Variants in CLIP1 observed in about 807,000 individuals in gnomAD.
CLIP1 encodes the protein CAP-Gly domain containing linker protein 1, also known as CAP-Gly domain-containing linker protein 1.
Under a neutral mutation model 161.6 loss-of-function variants are expected in CLIP1, and 66 were observed. That is an observed-to-expected ratio of 0.41 (90% CI 0.33 to 0.50). The LOEUF (loss-of-function observed/expected upper bound fraction) is 0.50. CLIP1 is among the 20% of genes least tolerant of loss of function. The pLI is 0.27. For missense variants in CLIP1, 1,376 were observed against 1,702.0 expected (o/e 0.81, Z 3.37); for synonymous variants, 598 against 626.2 (o/e 0.96, Z 0.67).
At chr12:122,334,570 G>C (rs1952125416) in intron 13 of CLIP1, 78 bp downstream of exon 13, 2 of 950,738 alleles carry the variant, frequency 2.1e-6, no homozygotes, top group Non-Finnish European at 3.3e-6. Flanking sequence ...GTGTAACTCT[G>C]TGCACTCCAC....
At chr12:122,410,942 G>A (rs1055238093) in intron 1 of CLIP1, among the ~76,000 whole-genome samples, 2 of 152,120 alleles carry the variant, frequency 1.3e-5, no homozygotes, top group Non-Finnish European at 2.9e-5. Flanking sequence ...TAATCAAAAA[G>A]ACATAGAAGT....
At chr12:122,301,420 C>T (rs1950673653) in intron 20 of CLIP1, among the ~76,000 whole-genome samples, 1 of 152,146 alleles carries the variant, frequency 6.6e-6, no homozygotes, top group African/African-American at 2.4e-5. Flanking sequence ...CCTATAATCC[C>T]AGTACTTTGG....
rs748302306 is a variant in CLIP1, at chr12:122,360,938, G to A, written c.1005+21C>T. The A allele has an allele frequency of 2.5e-6, 4 of 1,586,932 alleles. No homozygotes were observed. The South Asian group carries it at 3.3e-5, about 13-fold the overall frequency. ...AATCCTGCCTGGGAAGTGGAGGCAG[G>A]TAGTGAGAAAGGGGCCTTACTAGTC... On this transcript the variant is annotated intron_variant, in intron 5 of 25. Transcript: ENST00000620786.
At chr12:122,397,469 G>A (rs574748266) in intron 1 of CLIP1, among the ~76,000 whole-genome samples, 2 of 144,056 alleles carry the variant, frequency 1.4e-5, no homozygotes, top group Non-Finnish European at 3.0e-5. Context: ...GCATAGTGGT[G>A]CACGCCTGTA....
At chr12:122,389,465 G>A (rs1157429279) in intron 1 of CLIP1, among the ~76,000 whole-genome samples, 1 of 151,990 alleles carries the variant, frequency 6.6e-6, no homozygotes, top group Non-Finnish European at 1.5e-5. Context: ...TAAGCCCAAA[G>A]AATTTATAAA....
At chr12:122,342,446 G>A (rs1952549578) in intron 10 of CLIP1, 1 of 152,174 alleles carries the variant, frequency 6.6e-6, no homozygotes, top group Admixed American at 6.5e-5. Flanking sequence ...CGTGGCTATT[G>A]AGCACTTGAG....
intron 12 of CLIP1, among the ~76,000 whole-genome samples, chr12:122,335,640 C>T (rs1952181795): frequency 6.6e-6 from 1 of 152,058 alleles, no homozygotes; most frequent in South Asian, 2.1e-4. Flanking sequence ...AACCCCATCT[C>T]TACTAAAAAT....
At chr12:122,277,688 T>C (rs1030930014) in intron 24 of CLIP1, 1 of 153,636 alleles carries the variant, frequency 6.5e-6, no homozygotes, top group Admixed American at 6.5e-5. Flanking sequence ...TTGTTTATAA[T>C]ACACCCAAAG....
At position 122,354,450 on chromosome 12, in the gene CLIP1, C is replaced by T. The variant is rs762665829; in HGVS notation, c.1307+3G>A. The T allele has an allele frequency of 1.2e-6, 2 of 1,611,646 alleles. No individual in the cohort carries two copies. The highest frequency in any genetic ancestry group is 2.2e-5 in the South Asian group (2 of 90,962). On this transcript the variant is annotated splice_donor_region_variant and intron_variant, in intron 7 of 25. Transcript: ENST00000620786. ...CTTGCACCAGGAAACAGTCTGGGGT[C>T]ACCTTTTCTCCTCTTCAAGCTGGTT...
In CLIP1 at chr12:122,290,754, C is replaced by T. The variant is rs150551753; in HGVS notation, c.3595-2213G>A. ...CAAGGAAGAGATGTTTGATATTTAT[C>T]ATACTGATCTTTATAGAAAACAATG... On this transcript the variant is annotated intron_variant, in intron 20 of 25. Coordinates refer to ENST00000620786, the MANE Select transcript of CLIP1 (RefSeq NM_001247997.2). 4.6e-3 allele frequency among the ~76,000 whole-genome samples: 702 copies of T among 152,218 alleles called. 9 individuals carry two copies. The highest frequency in any genetic ancestry group is 0.016 in the African/African-American group (661 of 41,558).
At position 122,359,890 on chromosome 12, in the gene CLIP1, G is replaced by T. The variant is rs1380387557; in HGVS notation, c.1005+1069C>A. 2.6e-5 allele frequency among the ~76,000 whole-genome samples: 4 copies of T among 152,184 alleles called. 1 individual carries two copies. The South Asian group carries it at 8.3e-4, about 31-fold the overall frequency. On this transcript the variant is annotated intron_variant, in intron 5 of 25. Transcript: ENST00000620786. ...GAACTCAGTCTGAGGAAAGTCTGATGCCGCCATTTCTAACTTAAACAGTAT... is the reference window on the plus strand; with the variant it reads ...GAACTCAGTCTGAGGAAAGTCTGATTCCGCCATTTCTAACTTAAACAGTAT...
At chr12:122,333,204 G>T in intron 14 of CLIP1, 61 bp from the exon 15 acceptor site, 1 of 1,237,936 alleles carries the variant, frequency 8.1e-7, no homozygotes. Flanking sequence ...AACTGACTGA[G>T]TGTATTCTTG....
intron 18 of CLIP1, among the ~76,000 whole-genome samples, chr12:122,318,882 G>T (rs1218717815): frequency 6.6e-6 from 1 of 152,190 alleles, no homozygotes; most frequent in Admixed American, 6.5e-5. Flanking sequence ...GGCTGAGGAA[G>T]AAAACTTAGT....
chr12:122,304,198 C>T lies in CLIP1; in HGVS notation c.3594+5564G>A, dbSNP rs186137510. Among the ~76,000 whole-genome samples, 383 of 152,268 alleles carry T rather than the reference C, an allele frequency of 2.5e-3. 6 individuals carry two copies. The highest frequency in any genetic ancestry group is 3.1e-4 in the Non-Finnish European group (21 of 68,040). On this transcript the variant is annotated intron_variant, in intron 20 of 25. Transcript: ENST00000620786. ...TCCTTTACTTTTCCCAGGCTGTCTA[C>T]TCACTTCTTCAGTCTAATTTTTTCC...
rs1405009840 is a variant in CLIP1 at position 122,341,063 on chromosome 12, C to T, written c.2141G>A (p.Arg714Lys). ...KEKENSLEAI[R>K]SKLDKAEDQH... Reference sequence around the variant, plus strand: ...GTCTTCTGCTTTGTCCAGTTTCGACCTGATGGCTTCCAGACTGTTTTCCTT... The same window carrying T: ...GTCTTCTGCTTTGTCCAGTTTCGACTTGATGGCTTCCAGACTGTTTTCCTT... Residue 714 changes from arginine to lysine, a missense_variant, in exon 11 of 26, where the codon AGG becomes AAG. Physicochemically the swap from Arg to Lys is conservative, Grantham distance 26. Coordinates refer to ENST00000620786, the MANE Select transcript of CLIP1 (RefSeq NM_001247997.2). 5 of 1,613,972 alleles carry T rather than the reference C, an allele frequency of 3.1e-6. No individual in the cohort carries two copies. The highest frequency in any genetic ancestry group is 4.2e-6 in the Non-Finnish European group (5 of 1,180,052).
chr12:122,296,470 C>T (rs372492505), intron 20 of CLIP1, among the ~76,000 whole-genome samples: 1 of 152,026 alleles, frequency 6.6e-6, no homozygotes, highest in African/African-American at 2.4e-5. Flanking sequence ...GGTATATACA[C>T]GAGGAACACC....
At chr12:122,372,141 C>CTGGG (rs1264795931) in intron 3 of CLIP1, among the ~76,000 whole-genome samples, 1 of 151,932 alleles carries the variant, frequency 6.6e-6, no homozygotes, top group Non-Finnish European at 1.5e-5. Flanking sequence ...AAAATACAGT[C>CTGGG]TGGGTGTGGT....
intron 5 of CLIP1, chr12:122,356,108 TAAAC>T (rs1953336094): frequency 1.3e-5 from 2 of 152,246 alleles, no homozygotes; most frequent in Non-Finnish European, 2.9e-5. Flanking sequence ...TGAAATTACT[TAAAC>T]ATACCAGGAA....
chr12:122,422,299 G>A (rs1438299092), intron 1 of CLIP1, among the ~76,000 whole-genome samples: 1 of 151,876 alleles, frequency 6.6e-6, no homozygotes, highest in East Asian at 2.0e-4. Flanking sequence ...CACTTTTCCA[G>A]CTCCGGAGGA....
Sources: gnomAD v4.1 joint callset for allele counts (sites outside exome capture counted in the v4.1 genomes callset) on GRCh38, gnomAD v4.1.1 for gene constraint, MANE v1.5 for transcripts, NCBI Gene and HGNC (gene_info 2026-07-23, HGNC 2026-07-21) for gene names.